The following MMP9 variants were observed in gnomAD, a reference collection of about 807,000 sequenced individuals.
MMP9 encodes matrix metallopeptidase 9.
A neutral mutation model predicts 76.4 loss-of-function variants in MMP9; 73 were observed. That is an observed-to-expected ratio of 0.96 (90% CI 0.79 to 1.16). The LOEUF is 1.16. Ranked by LOEUF, MMP9 falls within the 50% of genes most tolerant of loss-of-function variation. The probability of loss-of-function intolerance (pLI) is 0.00; values close to 1 mark genes in which losing one functional copy is unlikely to be tolerated. For missense variants in MMP9, 943 were observed against 973.0 expected (o/e 0.97, Z 0.41); for synonymous variants, 412 against 408.4 (o/e 1.01, Z -0.11).
rs2084279494 is a variant in MMP9 at position 46,011,616 on chromosome 20, A to G, written c.866A>G (p.Gln289Arg). ...GGCAATGCTGATGGGAAACCCTGCC[A>G]GTTTCCATTCATCTTCCAAGGCCAA... ...QDGNADGKPC[Q>R]FPFIFQGQSY... is the part of the protein sequence containing the mutation. The change falls in exon 6 of 13, where the codon CAG (glutamine) becomes CGG (arginine). Residue 289 changes from glutamine to arginine, a missense_variant. Coordinates refer to ENST00000372330, the MANE Select transcript of MMP9 (RefSeq NM_004994.3). 2 of 1,613,126 alleles carry G rather than the reference A, an allele frequency of 1.2e-6. No individual in the cohort carries two copies. The highest frequency in any genetic ancestry group is 1.3e-5 in the African/African-American group (1 of 74,622).
At chr20:46,012,658 GGGATC>G in intron 8 of MMP9, 76 bp downstream of exon 8, 9 of 1,554,624 alleles carry the variant, frequency 5.8e-6, no homozygotes, top group African/African-American at 2.7e-5. Context: ...TTGGGGGTTG[GGGATC>G]GGGGGAGGAA....
chr20:46,013,490 C>G lies in MMP9; in HGVS notation c.1566C>G (p.Asp522Glu). 6.2e-7 allele frequency: 1 copy of G among 1,614,120 alleles called. No homozygotes were observed. Among genetic ancestry groups the G allele is most frequent in the Non-Finnish European group, 8.5e-7 (1 of 1,180,002 alleles). Residue 522 changes from aspartate to glutamate, a missense_variant, in exon 9 of 13, where the codon GAC becomes GAG. Transcript: ENST00000372330. This position sits in a 1 kb window ranked among gnomAD's most constrained non-coding sequence, Gnocchi z 4.5. The part of the protein sequence containing the change: ...VDDACNVNIF[D>E]AIAEIGNQLY... ...ATGCCTGCAACGTGAACATCTTCGACGCCATCGCGGAGATTGGGAACCAGC... is the reference window on the plus strand; with the variant it reads ...ATGCCTGCAACGTGAACATCTTCGAGGCCATCGCGGAGATTGGGAACCAGC...
At chr20:46,014,018 C>A in intron 10 of MMP9, 106 bp from the exon 11 acceptor site, 1 of 1,497,142 alleles carries the variant, frequency 6.7e-7, no homozygotes, top group Non-Finnish European at 9.0e-7. Context: ...GCAGGGACTG[C>A]GGGCACGCGG....
In MMP9 at chr20:46,010,698, G is replaced by T. The variant is rs1050666707; in HGVS notation, c.520+67G>T. 4.5e-6 allele frequency: 7 copies of T among 1,566,506 alleles called. No homozygotes were observed. In the Admixed American group the frequency reaches 9.5e-5, roughly 21 times the overall value. ...GTCAGGGAAGGGAGGACCACGGAGA[G>T]CGTGGAGGCAGCAGTGGCCCCGGCT... On this transcript the variant is annotated intron_variant, in intron 3 of 12. Transcript: ENST00000372330.
In MMP9 at chr20:46,010,936, T is replaced by C. The variant is rs141088574; in HGVS notation, c.535T>C (p.Tyr179His). 28 of 1,614,098 alleles carry C rather than the reference T, an allele frequency of 1.7e-5. No individual in the cohort carries two copies. Among genetic ancestry groups the C allele is most frequent in the African/African-American group, 1.2e-4 (9 of 74,936 alleles). Residue 179 changes from tyrosine to histidine, a missense_variant, in exon 4 of 13, where the codon TAT becomes CAT. Coordinates refer to ENST00000372330, the MANE Select transcript of MMP9 (RefSeq NM_004994.3). Reference sequence around the variant, plus strand: ...TGTTTCTTCAGAGCACGGAGACGGGTATCCCTTCGACGGGAAGGACGGGCT... The same window carrying C: ...TGTTTCTTCAGAGCACGGAGACGGGCATCCCTTCGACGGGAAGGACGGGCT... Reference protein sequence around the residue: ...QFGVAEHGDGYPFDGKDGLLA... With the variant: ...QFGVAEHGDGHPFDGKDGLLA...
chr20:46,015,536 C>T (rs3918265), intron 12 of MMP9, among the ~76,000 whole-genome samples: 8,373 of 150,762 alleles, frequency 0.056, 740 homozygotes, highest in African/African-American at 0.19. Context: ...CTGCAACCTC[C>T]GCCTCCCGGG....
chr20:46,010,703 G>A, intron 3 of MMP9, 72 bp downstream of exon 3: 1 of 1,561,842 alleles, frequency 6.4e-7, no homozygotes, highest in South Asian at 1.2e-5. Flanking sequence ...GGAGAGCGTG[G>A]AGGCAGCAGT....
At position 46,016,502 on chromosome 20, in the gene MMP9, T is replaced by C; in HGVS notation, c.*134T>C. 7 of 746,932 alleles carry C rather than the reference T, an allele frequency of 9.4e-6. No individual in the cohort carries two copies. The South Asian group carries it at 1.0e-4, about 11-fold the overall frequency. 46.3% of individuals were successfully genotyped at this position (746,932 alleles called of 1,614,324 possible). A position where few individuals can be genotyped will look rare whatever the true frequency, so the allele number is the denominator to read the frequency against. On this transcript the variant is annotated 3_prime_UTR_variant, in exon 13 of 13. Coordinates refer to ENST00000372330, the MANE Select transcript of MMP9 (RefSeq NM_004994.3). ...AGGAGTGGAGGTGGGCTGGGCCCTC[T>C]CTTCTCACCTTTGTTTTTTGTTGGA...
In MMP9 at chr20:46,010,499, G is replaced by C. The variant is rs1471912767; in HGVS notation, c.388G>C (p.Glu130Gln). The C allele has an allele frequency of 6.2e-7, 1 of 1,614,050 alleles. No homozygotes were observed. The highest frequency in any genetic ancestry group is 8.5e-7 in the Non-Finnish European group (1 of 1,180,054). ...NITYWIQNYS[E>Q]DLPRAVIDDA... ...ACGCTACAGGATCCAAAACTACTCG[G>C]AAGACTTGCCGCGGGCGGTGATTGA... Residue 130 changes from glutamate to glutamine, a missense_variant, in exon 3 of 13, where the codon GAA becomes CAA. Transcript: ENST00000372330.
intron 12 of MMP9, among the ~76,000 whole-genome samples, chr20:46,014,981 T>G (rs150575502): frequency 1.3e-5 from 2 of 152,342 alleles, no homozygotes; most frequent in Non-Finnish European, 2.9e-5. Flanking sequence ...AAAATCTTTT[T>G]CGAGTCTGTC....
At position 46,009,914 on chromosome 20, in the gene MMP9, G is replaced by A; in HGVS notation, c.187G>A (p.Glu63Lys). 6.4e-7 allele frequency: 1 copy of A among 1,552,338 alleles called. No individual in the cohort carries two copies. Among genetic ancestry groups the A allele is most frequent in the Non-Finnish European group, 8.7e-7 (1 of 1,147,310 alleles). Residue 63 changes from glutamate (E) to lysine (K), a missense_variant, in exon 2 of 13, where the codon GAG (glutamate) becomes AAG (lysine). Coordinates refer to ENST00000372330, the MANE Select transcript of MMP9 (RefSeq NM_004994.3). ...GYTRVAEMRG[E>K]SKSLGPALLL... Reference sequence around the variant, plus strand: ...CACTCGGGTGGCAGAGATGCGTGGAGAGTCGAAATCTCTGGGGCCTGCGCT... The same window carrying A: ...CACTCGGGTGGCAGAGATGCGTGGAAAGTCGAAATCTCTGGGGCCTGCGCT...
At chr20:46,012,725 G>T in intron 8 of MMP9, 143 bp downstream of exon 8, 1 of 1,243,268 alleles carries the variant, frequency 8.0e-7, no homozygotes, top group Non-Finnish European at 1.1e-6. Flanking sequence ...AGCAGAGCCT[G>T]GGCCCAGTCG....
chr20:46,009,113 T>C, intron 1 of MMP9, 49 bp downstream of exon 1: 1 of 1,593,828 alleles, frequency 6.3e-7, no homozygotes, highest in Non-Finnish European at 8.6e-7. Context: ...CGTGAGGGTG[T>C]TGAGTGTCCC....
Position 46,014,374 on chromosome 20 carries a change from C to T in MMP9, c.1905C>T (p.Phe635=). The T allele has an allele frequency of 6.5e-7, 1 of 1,547,982 alleles. No individual in the cohort carries two copies. Among genetic ancestry groups the T allele is most frequent in the Non-Finnish European group, 8.7e-7 (1 of 1,146,942 alleles). Residue 635 remains phenylalanine (F), a synonymous_variant, in exon 12 of 13, where the codon TTC becomes TTT. Coordinates refer to ENST00000372330, the MANE Select transcript of MMP9 (RefSeq NM_004994.3). ...LLFSGRRLWR[F]DVKAQMVDPR... ...TCTCCTCCGCGCCTGCCCGCAGGTT[C>T]GACGTGAAGGCGCAGATGGTGGATC...
chr20:46,016,299 G>C lies in MMP9; in HGVS notation c.2055G>C (p.Arg685=). Reference sequence around the variant, plus strand: ...GCTTCTACTGGCGCGTGAGTTCCCGGAGTGAGTTGAACCAGGTGGACCAAG... The same window carrying C: ...GCTTCTACTGGCGCGTGAGTTCCCGCAGTGAGTTGAACCAGGTGGACCAAG... ...QDRFYWRVSS[R]SELNQVDQVG... The change falls in exon 13 of 13, where the codon CGG becomes CGC. Residue 685 remains arginine, a synonymous_variant. Transcript: ENST00000372330. 6.2e-7 allele frequency: 1 copy of C among 1,614,228 alleles called. No homozygotes were observed. Among genetic ancestry groups the C allele is most frequent in the Non-Finnish European group, 8.5e-7 (1 of 1,180,046 alleles).
chr20:46,016,301 G>C lies in MMP9; in HGVS notation c.2057G>C (p.Ser686Thr). ...DRFYWRVSSR[S>T]ELNQVDQVGY... The stretch of plus-strand genomic sequence containing the variant: ...TTCTACTGGCGCGTGAGTTCCCGGA[G>C]TGAGTTGAACCAGGTGGACCAAGTG... The change falls in exon 13 of 13, where the codon AGT becomes ACT. Residue 686 changes from serine (S) to threonine (T), a missense_variant. Coordinates refer to ENST00000372330, the MANE Select transcript of MMP9 (RefSeq NM_004994.3). The C allele has an allele frequency of 6.2e-7, 1 of 1,614,244 alleles. No homozygotes were observed. Among genetic ancestry groups the C allele is most frequent in the Non-Finnish European group, 8.5e-7 (1 of 1,180,052 alleles).
At chr20:46,012,648 T>TGGGGGGGGC in intron 8 of MMP9, 66 bp downstream of exon 8, 1 of 1,574,748 alleles carries the variant, frequency 6.4e-7, no homozygotes, top group East Asian at 2.3e-5. Flanking sequence ...TACCAAAGAA[T>TGGGGGGGGC]TGGGGGTTGG....
rs371340871 is a variant in MMP9 at position 46,011,711 on chromosome 20, G to A, written c.961G>A (p.Asp321Asn). ...YRWCATTANYDRDKLFGFCPT... is the reference protein window; with the variant it reads ...YRWCATTANYNRDKLFGFCPT... ...CTGGTGCGCCACCACCGCCAACTACGACCGGGACAAGCTCTTCGGCTTCTG... is the reference window on the plus strand; with the variant it reads ...CTGGTGCGCCACCACCGCCAACTACAACCGGGACAAGCTCTTCGGCTTCTG... The change falls in exon 6 of 13, where the codon GAC becomes AAC. Residue 321 changes from aspartate (D) to asparagine (N), a missense_variant. Coordinates refer to ENST00000372330, the MANE Select transcript of MMP9 (RefSeq NM_004994.3). 6.2e-7 allele frequency: 1 copy of A among 1,613,680 alleles called. No homozygotes were observed. Among genetic ancestry groups the A allele is most frequent in the Admixed American group, 1.7e-5 (1 of 60,014 alleles).
rs1475574533 is a variant in MMP9 at position 46,014,104 on chromosome 20, G to A, written c.1751-20G>A. The A allele has an allele frequency of 3.3e-6, 5 of 1,534,334 alleles. No individual in the cohort carries two copies. Among genetic ancestry groups the A allele is most frequent in the South Asian group, 1.2e-5 (1 of 83,972 alleles). ...GCTCCCTCTGCGCCCCCAAACCGAC[G>A]TGACCCTCCTCCCCTGCAGGGCGCC... On this transcript the variant is annotated intron_variant, in intron 10 of 12. Coordinates refer to ENST00000372330, the MANE Select transcript of MMP9 (RefSeq NM_004994.3).
Sources: allele counts gnomAD v4.1 joint callset (sites outside exome capture counted in the v4.1 genomes callset), GRCh38; gene constraint gnomAD v4.1.1; non-coding constraint Gnocchi (gnomAD v3.1); transcripts MANE v1.5; gene names NCBI Gene and HGNC (gene_info 2026-07-23, HGNC 2026-07-21).